Variants in CTNNA3 observed in about 807,000 individuals in gnomAD.
CTNNA3 encodes the protein catenin alpha-3.
A neutral mutation model predicts 95.7 loss-of-function variants in CTNNA3; 76 were observed. That is an observed-to-expected ratio of 0.79 (90% CI 0.66 to 0.96). CTNNA3 has a LOEUF of 0.96. Among genes scored for constraint, CTNNA3 ranks in the 40% least tolerant of loss-of-function variants. The pLI is 0.00. For missense variants in CTNNA3, 1,191 were observed against 1,089.8 expected (o/e 1.09, Z -1.31); for synonymous variants, 431 against 374.4 (o/e 1.15, Z -1.74).
chr10:67,184,382 T>C (rs1302115716), intron 6 of CTNNA3, among the ~76,000 whole-genome samples: 1 of 152,212 alleles, frequency 6.6e-6, no homozygotes, highest in Non-Finnish European at 1.5e-5. Flanking sequence ...TTTGGAGAGA[T>C]GCTTCAGGAT....
rs76455288 is a variant in CTNNA3, at chr10:66,022,068, G to T, written c.2160-33271C>A. Among the ~76,000 whole-genome samples, 77 of 151,792 alleles carry T rather than the reference G, an allele frequency of 5.1e-4. 1 individual carries two copies. The East Asian group carries it at 0.014, about 29-fold the overall frequency. On this transcript the variant is annotated intron_variant, in intron 15 of 17. Coordinates refer to ENST00000433211, the MANE Select transcript of CTNNA3 (RefSeq NM_013266.4). The stretch of plus-strand genomic sequence containing the variant: ...AGGTGGGGTCTTGCTATGCTGCCAA[G>T]GCTGTTCTCAAACTTTTGGGCTCAA...
chr10:67,003,264 C>T (rs552131775), intron 7 of CTNNA3, among the ~76,000 whole-genome samples: 2 of 152,282 alleles, frequency 1.3e-5, no homozygotes, highest in African/African-American at 4.8e-5. Context: ...TCCATGACTT[C>T]CTGACCATTT....
At chr10:66,110,691 G>A (rs1337579588) in intron 13 of CTNNA3, among the ~76,000 whole-genome samples, 1 of 152,018 alleles carries the variant, frequency 6.6e-6, no homozygotes, top group Non-Finnish European at 1.5e-5. Flanking sequence ...ATCTAAGTTT[G>A]CTTGATTATA....
chr10:67,480,015 C>T (rs754929976), intron 5 of CTNNA3, among the ~76,000 whole-genome samples: 1 of 151,802 alleles, frequency 6.6e-6, no homozygotes, highest in Non-Finnish European at 1.5e-5. Context: ...CTGGAAACAA[C>T]CTACCAAGAT....
chr10:66,189,594 A>G (rs554561777), intron 13 of CTNNA3, among the ~76,000 whole-genome samples: 2 of 116,870 alleles, frequency 1.7e-5, no homozygotes, highest in Admixed American at 8.4e-5. Context: ...TTTAGTTACT[A>G]TAGATTTATA....
intron 11 of CTNNA3, among the ~76,000 whole-genome samples, chr10:66,431,223 G>A (rs12268581): frequency 0.12 from 17,825 of 152,040 alleles, 1,514 homozygotes; most frequent in African/African-American, 0.24. Flanking sequence ...TTAGAATGGC[G>A]ATCATTAAAA....
chr10:67,408,882 CAAAAAA>C (rs766212790), intron 5 of CTNNA3, among the ~76,000 whole-genome samples: 2 of 97,198 alleles, frequency 2.1e-5, no homozygotes, highest in African/African-American at 7.5e-5. Flanking sequence ...CTTAAATTTA[CAAAAAA>C]AAAAAAAAAA....
intron 11 of CTNNA3, among the ~76,000 whole-genome samples, chr10:66,418,455 T>TA (rs1375306100): frequency 6.6e-6 from 1 of 151,108 alleles, no homozygotes; most frequent in Non-Finnish European, 1.5e-5. Flanking sequence ...CAAGAACTAA[T>TA]ACCAATCTTT....
At chr10:67,026,751 T>C (rs1052032237) in intron 7 of CTNNA3, among the ~76,000 whole-genome samples, 11 of 152,230 alleles carry the variant, frequency 7.2e-5, no homozygotes, top group Non-Finnish European at 1.5e-4. Flanking sequence ...TGTCTGGTTC[T>C]TAGTTGTTCA....
At chr10:66,841,584 C>T (rs1286034203) in intron 7 of CTNNA3, among the ~76,000 whole-genome samples, 1 of 152,084 alleles carries the variant, frequency 6.6e-6, no homozygotes, top group African/African-American at 2.4e-5. Context: ...GGTAGTCAAC[C>T]CTTATTTCCC....
chr10:66,666,941 C>T (rs544419787), intron 9 of CTNNA3, among the ~76,000 whole-genome samples: 1 of 151,938 alleles, frequency 6.6e-6, no homozygotes, highest in South Asian at 2.1e-4. Flanking sequence ...TTTAGGGACT[C>T]CTTAAAGGGA....
chr10:66,984,594 A>C (rs1850624353), intron 7 of CTNNA3, among the ~76,000 whole-genome samples: 1 of 152,166 alleles, frequency 6.6e-6, no homozygotes, highest in Admixed American at 6.6e-5. Flanking sequence ...AATACTTCTC[A>C]ATGCGTTCAT....
intron 7 of CTNNA3, among the ~76,000 whole-genome samples, chr10:67,170,953 A>T (rs1012127198): frequency 6.6e-6 from 1 of 152,200 alleles, no homozygotes; most frequent in African/African-American, 2.4e-5. Context: ...AGAATGTAAG[A>T]TATCTCATTA....
At chr10:66,714,348 G>T (rs1848387864) in intron 9 of CTNNA3, among the ~76,000 whole-genome samples, 2 of 151,986 alleles carry the variant, frequency 1.3e-5, no homozygotes, top group South Asian at 2.1e-4. Flanking sequence ...TCTTTCTCTA[G>T]ATTACAGACT....
chr10:66,623,890 A>T (rs1359391363), intron 9 of CTNNA3, among the ~76,000 whole-genome samples: 1 of 152,190 alleles, frequency 6.6e-6, no homozygotes. Flanking sequence ...GTGTGTGAAT[A>T]AAGCCAAATT....
chr10:67,609,911 C>T (rs1368127739), intron 2 of CTNNA3, among the ~76,000 whole-genome samples: 1 of 152,160 alleles, frequency 6.6e-6, no homozygotes. Flanking sequence ...CATGTGTCTT[C>T]ATCATGGATT....
intron 7 of CTNNA3, among the ~76,000 whole-genome samples, chr10:67,059,067 G>A (rs866208552): frequency 6.6e-6 from 1 of 152,094 alleles, no homozygotes; most frequent in Non-Finnish European, 1.5e-5. Context: ...ATAAATATCT[G>A]CACACACAAA....
intron 7 of CTNNA3, among the ~76,000 whole-genome samples, chr10:66,895,524 G>T (rs146588646): frequency 2.2e-4 from 33 of 152,046 alleles, no homozygotes; most frequent in Middle Eastern, 6.8e-3. Context: ...TTATCTTTCA[G>T]CTTCTTTCTT....
intron 14 of CTNNA3, among the ~76,000 whole-genome samples, chr10:66,071,350 A>G (rs954206671): frequency 3.5e-5 from 1 of 28,316 alleles, no homozygotes; most frequent in African/African-American, 1.0e-4. Context: ...TATATTGTGT[A>G]ACTATTGATC....
Sources: gnomAD v4.1 joint callset for allele counts (sites outside exome capture counted in the v4.1 genomes callset) on GRCh38, gnomAD v4.1.1 for gene constraint, MANE v1.5 for transcripts, NCBI Gene and HGNC (gene_info 2026-07-23, HGNC 2026-07-21) for gene names.